FGF12: variants seen among roughly 807,000 people sequenced by gnomAD.
The protein encoded by FGF12 is fibroblast growth factor 12B.
Under a neutral mutation model 23.6 loss-of-function variants are expected in FGF12, and 14 were observed. That is an observed-to-expected ratio of 0.59 (90% CI 0.39 to 0.93). FGF12 has a LOEUF of 0.93. Ranked by LOEUF, FGF12 falls within the 40% of genes least tolerant of loss-of-function variation. FGF12 has a pLI of 0.00. For missense variants in FGF12, 175 were observed against 217.8 expected, an observed-to-expected ratio of 0.80 and a Z score of 1.24; for synonymous variants, 62 against 77.3, an observed-to-expected ratio of 0.80 and a Z score of 1.04.
chr3:192,252,297 C>G (rs747545940), intron 4 of FGF12, among the ~76,000 whole-genome samples: 1 of 151,158 alleles, frequency 6.6e-6, no homozygotes, highest in African/African-American at 2.4e-5. Context: ...CCTGTCTCTA[C>G]TAAAAAATAC....
intron 2 of FGF12, among the ~76,000 whole-genome samples, chr3:192,506,331 T>C (rs1339787180): frequency 6.6e-6 from 1 of 152,252 alleles, no homozygotes; most frequent in Non-Finnish European, 1.5e-5. Context: ...CTGTGGCAGT[T>C]AGAACATAGT....
intron 4 of FGF12, among the ~76,000 whole-genome samples, chr3:192,270,042 T>G (rs1713334353): frequency 6.6e-6 from 1 of 152,222 alleles, no homozygotes; most frequent in Admixed American, 6.5e-5. Flanking sequence ...GTAACTTTCA[T>G]GGGCCACAAT....
chr3:192,436,493 A>G (rs1722034013), intron 2 of FGF12, among the ~76,000 whole-genome samples: 1 of 152,214 alleles, frequency 6.6e-6, no homozygotes, highest in African/African-American at 2.4e-5. Flanking sequence ...GATGCTGCTG[A>G]TGTGGGGCCC....
intron 2 of FGF12, among the ~76,000 whole-genome samples, chr3:192,616,962 A>G (rs558688372): frequency 6.6e-6 from 1 of 152,174 alleles, no homozygotes; most frequent in South Asian, 2.1e-4. Context: ...AGGCATAAAA[A>G]TGACCTTCAA....
chr3:192,276,862 C>T lies in FGF12; in HGVS notation c.228+58499G>A, dbSNP rs924755976. On this transcript the variant is annotated intron_variant, in intron 4 of 5. Transcript: ENST00000445105. ...TCACCACACTCAGAAGAAAGGAATA[C>T]GTACTCAGAAAGGCCAAGAAAAATC... 5.3e-5 allele frequency among the ~76,000 whole-genome samples: 8 copies of T among 152,162 alleles called. No homozygotes were observed. In the South Asian group the frequency reaches 6.2e-4, roughly 12 times the overall value.
intron 5 of FGF12, among the ~76,000 whole-genome samples, chr3:192,170,136 C>CTT (rs5855410): frequency 0.013 from 1,628 of 127,584 alleles, 39 homozygotes; most frequent in African/African-American, 0.042. Flanking sequence ...TAGAATTTTC[C>CTT]TTTTTTTTTT....
intron 4 of FGF12, among the ~76,000 whole-genome samples, chr3:192,273,419 A>G (rs190969184): frequency 2.2e-4 from 34 of 152,252 alleles, no homozygotes; most frequent in African/African-American, 8.2e-4. Context: ...CCTGGGGCTG[A>G]AGCTGGGTTA....
At position 192,481,677 on chromosome 3, in the gene FGF12, T is replaced by C. The variant is rs554414925; in HGVS notation, c.14-121139A>G. On this transcript the variant is annotated intron_variant, in intron 2 of 5. Transcript: ENST00000445105. ...AGAATGAAGCCAGTAACACTGTAAA[T>C]GGCAGAGCGAAAAGTGAAGAAAAAT... Among the ~76,000 whole-genome samples, 16 of 152,280 alleles carry C rather than the reference T, an allele frequency of 1.1e-4. No homozygotes were observed. The South Asian group carries it at 2.9e-3, about 28-fold the overall frequency.
chr3:192,190,004 C>T (rs1716692114), intron 4 of FGF12, among the ~76,000 whole-genome samples: 1 of 151,980 alleles, frequency 6.6e-6, no homozygotes, highest in Admixed American at 6.6e-5. Flanking sequence ...GAATTGTCCA[C>T]TTTTTAATGG....
At chr3:192,322,221 G>A (rs1487654006) in intron 4 of FGF12, among the ~76,000 whole-genome samples, 1 of 151,848 alleles carries the variant, frequency 6.6e-6, no homozygotes, top group African/African-American at 2.4e-5. Flanking sequence ...ATTTACAATA[G>A]CAACAAATGA....
chr3:192,666,948 T>C (rs1230155478), intron 2 of FGF12, among the ~76,000 whole-genome samples: 4 of 149,424 alleles, frequency 2.7e-5, no homozygotes, highest in Admixed American at 6.9e-5. Flanking sequence ...GATAGATAGA[T>C]AGATAGATAG....
intron 4 of FGF12, among the ~76,000 whole-genome samples, chr3:192,185,291 C>T (rs1716395483): frequency 6.6e-6 from 1 of 152,226 alleles, no homozygotes. Flanking sequence ...TTATTTCTCA[C>T]TGAAATAAGA....
chr3:192,392,083 T>G (rs1720315473), intron 2 of FGF12, among the ~76,000 whole-genome samples: 1 of 152,194 alleles, frequency 6.6e-6, no homozygotes, highest in African/African-American at 2.4e-5. Flanking sequence ...GTTTGAGAAG[T>G]GCTGATCTGA....
At chr3:192,421,168 T>A (rs947885841) in intron 2 of FGF12, among the ~76,000 whole-genome samples, 7 of 152,144 alleles carry the variant, frequency 4.6e-5, no homozygotes, top group African/African-American at 1.7e-4. Flanking sequence ...AAAGTAAGCA[T>A]GTGTTCCACC....
intron 2 of FGF12, among the ~76,000 whole-genome samples, chr3:192,479,832 G>A (rs1723430524): frequency 6.6e-6 from 1 of 152,118 alleles, no homozygotes; most frequent in Non-Finnish European, 1.5e-5. Flanking sequence ...GGTAACATGA[G>A]TTAGGCTAAA....
chr3:192,615,978 GTAAATA>G (rs944633052), intron 2 of FGF12, among the ~76,000 whole-genome samples: 1 of 151,788 alleles, frequency 6.6e-6, no homozygotes, highest in Non-Finnish European at 1.5e-5. Context: ...TAATTTCTTT[GTAAATA>G]TAATCAATTA....
At chr3:192,543,599 C>G (rs1725426718) in intron 2 of FGF12, among the ~76,000 whole-genome samples, 1 of 152,088 alleles carries the variant, frequency 6.6e-6, no homozygotes, top group Admixed American at 6.5e-5. Context: ...ATAGCCATCA[C>G]AGCTGGGAAT....
intron 2 of FGF12, among the ~76,000 whole-genome samples, chr3:192,422,040 T>TA (rs887384185): frequency 5.3e-5 from 8 of 151,484 alleles, no homozygotes; most frequent in African/African-American, 1.9e-4. Context: ...TTAGTTTATT[T>TA]TTTTTTGGCT....
intron 3 of FGF12, among the ~76,000 whole-genome samples, chr3:192,341,962 C>T (rs1162725999): frequency 6.6e-6 from 1 of 152,132 alleles, no homozygotes; most frequent in Non-Finnish European, 1.5e-5. Flanking sequence ...TTATTCTTAC[C>T]ATAAATATTT....
Sources: gnomAD v4.1 joint callset for allele counts (sites outside exome capture counted in the v4.1 genomes callset) on GRCh38, gnomAD v4.1.1 for gene constraint, MANE v1.5 for transcripts, NCBI Gene and HGNC (gene_info 2026-07-23, HGNC 2026-07-21) for gene names.